Variants in PRKD3 observed in about 807,000 individuals in gnomAD.
PRKD3 encodes serine/threonine-protein kinase D3.
Under a neutral mutation model 99.2 loss-of-function variants are expected in PRKD3, and 47 were observed. The observed-to-expected ratio is 0.47, with a 90% CI of 0.38 to 0.60. PRKD3 has a LOEUF of 0.60. PRKD3 is among the 20% of genes least tolerant of loss of function. The pLI is 0.00. For missense variants in PRKD3, 1,019 were observed against 1,088.4 expected (o/e 0.94, Z 0.90); for synonymous variants, 392 against 355.4 (o/e 1.10, Z -1.16).
intron 2 of PRKD3, among the ~76,000 whole-genome samples, chr2:37,307,599 G>A (rs1341773880): frequency 1.3e-5 from 2 of 152,156 alleles, no homozygotes; most frequent in African/African-American, 2.4e-5. Flanking sequence ...TTTACCAAAT[G>A]TCTACTAAAT....
intron 2 of PRKD3, among the ~76,000 whole-genome samples, chr2:37,311,858 A>G (rs1370079979): frequency 3.9e-5 from 6 of 152,098 alleles, no homozygotes; most frequent in African/African-American, 1.2e-4. Context: ...CCCACTCCCA[A>G]AGGACCTGAT....
At chr2:37,288,621 C>G (rs1670232938) in intron 5 of PRKD3, among the ~76,000 whole-genome samples, 1 of 152,072 alleles carries the variant, frequency 6.6e-6, no homozygotes, top group Non-Finnish European at 1.5e-5. Flanking sequence ...TGCCTTTGCC[C>G]TTGAGAGGTA....
At chr2:37,290,536 GAAA>G (rs1419215542) in intron 4 of PRKD3, among the ~76,000 whole-genome samples, 2 of 152,068 alleles carry the variant, frequency 1.3e-5, no homozygotes, top group African/African-American at 4.8e-5. Flanking sequence ...GCCTGGCCAA[GAAA>G]ACTTTTAAAA....
intron 6 of PRKD3, among the ~76,000 whole-genome samples, chr2:37,285,526 A>G (rs1040124288): frequency 2.0e-5 from 3 of 152,192 alleles, no homozygotes; most frequent in Non-Finnish European, 4.4e-5. Context: ...TACATACTTA[A>G]AAACAAAAAA....
At chr2:37,296,318 A>G (rs1026868200) in intron 2 of PRKD3, among the ~76,000 whole-genome samples, 3 of 152,228 alleles carry the variant, frequency 2.0e-5, no homozygotes, top group Non-Finnish European at 4.4e-5. Context: ...ATGAAAAATA[A>G]TATCAACATG....
chr2:37,279,703 G>T, intron 8 of PRKD3, 43 bp downstream of exon 8: 1 of 1,514,036 alleles, frequency 6.6e-7, no homozygotes, highest in South Asian at 1.3e-5. Flanking sequence ...ATCCTGAACT[G>T]ACCTTGCATC....
At chr2:37,262,557 C>T (rs1048649030) in intron 14 of PRKD3, among the ~76,000 whole-genome samples, 3 of 151,822 alleles carry the variant, frequency 2.0e-5, no homozygotes, top group African/African-American at 7.3e-5. Flanking sequence ...ACTCAAATAC[C>T]CCATAGTGGT....
At position 37,251,179 on chromosome 2, in the gene PRKD3, G is replaced by A. The variant is rs1442629677; in HGVS notation, c.*1998C>T. ...AACTGGGAAGTCATCCTCTATCACA[G>A]GGAAAATAACATTTCTAAAAAAAAA... is the stretch of plus-strand genomic sequence containing the variant. On this transcript the variant is annotated 3_prime_UTR_variant, in exon 19 of 19. Coordinates refer to ENST00000234179, the MANE Select transcript of PRKD3 (RefSeq NM_005813.6). The A allele has an allele frequency of 1.3e-5, 2 of 152,426 alleles. No homozygotes were observed. Among genetic ancestry groups the A allele is most frequent in the African/African-American group, 4.8e-5 (2 of 41,390 alleles). 9.4% of individuals were successfully genotyped at this position (152,426 alleles called of 1,614,324 possible).
chr2:37,306,634 C>G (rs549697298), intron 2 of PRKD3, among the ~76,000 whole-genome samples: 1 of 152,026 alleles, frequency 6.6e-6, no homozygotes, highest in African/African-American at 2.4e-5. Flanking sequence ...CATGGTGAAA[C>G]CCCATCTGTA....
chr2:37,268,247 C>A (rs891763729), intron 13 of PRKD3: 1 of 460,042 alleles, frequency 2.2e-6, no homozygotes, highest in Non-Finnish European at 4.5e-6. Flanking sequence ...AATCGTAAGT[C>A]TACTTGAAAA....
At chr2:37,295,713 TA>T (rs1327094055) in intron 2 of PRKD3, among the ~76,000 whole-genome samples, 1 of 152,222 alleles carries the variant, frequency 6.6e-6, no homozygotes. Flanking sequence ...TTGATGGCTG[TA>T]AAAGTCTCAG....
In PRKD3 at chr2:37,277,754, G is replaced by A. The variant is rs150700665; in HGVS notation, c.1296+112C>T. 3.9e-5 allele frequency: 43 copies of A among 1,109,430 alleles called. No individual in the cohort carries two copies. In the African/African-American group the frequency reaches 6.4e-4, roughly 16 times the overall value. 68.7% of individuals were successfully genotyped at this position (1,109,430 alleles called of 1,614,324 possible). On this transcript the variant is annotated intron_variant, in intron 9 of 18. Coordinates refer to ENST00000234179, the MANE Select transcript of PRKD3 (RefSeq NM_005813.6). ...AGTGCATCTTTTACAAATTGCTGTGGTGTATATAATGTCTTAATATGTATC... is the reference window on the plus strand; with the variant it reads ...AGTGCATCTTTTACAAATTGCTGTGATGTATATAATGTCTTAATATGTATC...
At chr2:37,264,265 A>T (rs1478952549) in intron 14 of PRKD3, among the ~76,000 whole-genome samples, 1 of 152,196 alleles carries the variant, frequency 6.6e-6, no homozygotes, top group African/African-American at 2.4e-5. Context: ...AGTTTTTTTC[A>T]ATCTAACAAT....
chr2:37,316,487 G>A lies in PRKD3; in HGVS notation c.38C>T (p.Ser13Phe). Residue 13 changes from serine to phenylalanine, a missense_variant, in exon 2 of 19, where the codon TCT (serine) becomes TTT (phenylalanine). Transcript: ENST00000234179. ...AGCAGGAATAGCTGTGGGTAATACA[G>A]ACTTCTGGGCTGATGGAGGGGAATT... ...ANNSPPSAQK[S>F]VLPTAIPAVL... is the part of the protein sequence containing the mutation. 6.2e-7 allele frequency: 1 copy of A among 1,614,226 alleles called. No homozygotes were observed. Among genetic ancestry groups the A allele is most frequent in the South Asian group, 1.1e-5 (1 of 91,080 alleles).
chr2:37,276,206 G>C (rs946215423), intron 9 of PRKD3, among the ~76,000 whole-genome samples: 3 of 151,934 alleles, frequency 2.0e-5, no homozygotes, highest in Non-Finnish European at 4.4e-5. Flanking sequence ...GATTTGCTGG[G>C]TCAACAGACA....
chr2:37,316,588 T>A lies in PRKD3; in HGVS notation c.-64A>T. The A allele has an allele frequency of 3.2e-6, 5 of 1,538,960 alleles. No homozygotes were observed. In the South Asian group the frequency reaches 6.4e-5, roughly 20 times the overall value. On this transcript the variant is annotated 5_prime_UTR_variant, in exon 2 of 19. Transcript: ENST00000234179. ...TTTTCAATGGTTATGAAGAGGTTTT[T>A]AAAATAACAGCAGTAAAGAAAATGA...
intron 3 of PRKD3, 77 bp downstream of exon 3, chr2:37,293,056 C>T: frequency 1.5e-6 from 2 of 1,326,436 alleles, no homozygotes; most frequent in South Asian, 1.7e-5. Flanking sequence ...TAAATATAAT[C>T]GAATTGCAGC....
intron 1 of PRKD3, 116 bp from the exon 2 acceptor site, chr2:37,317,295 A>C: frequency 3.1e-6 from 1 of 319,324 alleles, no homozygotes; most frequent in Non-Finnish European, 4.5e-6. Context: ...ATAATTCACT[A>C]ATAAATCCTA....
intron 14 of PRKD3, among the ~76,000 whole-genome samples, chr2:37,266,405 A>C (rs186352933): frequency 1.8e-4 from 28 of 152,010 alleles, no homozygotes; most frequent in African/African-American, 6.0e-4. Flanking sequence ...AGCTCACTGC[A>C]ACCTCTGCCT....
Sources: allele counts gnomAD v4.1 joint callset (sites outside exome capture counted in the v4.1 genomes callset), GRCh38; gene constraint gnomAD v4.1.1; transcripts MANE v1.5; gene names NCBI Gene and HGNC (gene_info 2026-07-23, HGNC 2026-07-21).